Variants in MYH10 observed in about 807,000 individuals in gnomAD.
MYH10 encodes the protein myosin heavy chain 10, also known as myosin-10.
A neutral mutation model predicts 257.8 loss-of-function variants in MYH10; 55 were observed. The observed-to-expected ratio is 0.21, with a 90% CI of 0.17 to 0.27. MYH10 has a LOEUF of 0.27. MYH10 is among the 10% of genes least tolerant of loss of function. The probability of loss-of-function intolerance (pLI) is 1.00; values close to 1 mark genes in which losing one functional copy is unlikely to be tolerated. For missense variants in MYH10, 1,631 were observed against 2,500.6 expected, an observed-to-expected ratio of 0.65 and a Z score of 7.42; for synonymous variants, 854 against 921.7, an observed-to-expected ratio of 0.93 and a Z score of 1.33.
At chr17:8,520,826 A>G (rs568817814) in intron 19 of MYH10, 52 bp downstream of exon 19, 1 of 1,528,620 alleles carries the variant, frequency 6.5e-7, no homozygotes, top group Non-Finnish European at 8.8e-7. Context: ...GTTTTAATTC[A>G]TATCAAGATA....
intron 17 of MYH10, chr17:8,521,577 G>A (rs2081657491): frequency 5.4e-6 from 2 of 368,154 alleles, no homozygotes; most frequent in South Asian, 1.3e-4. Flanking sequence ...CATTCTGACT[G>A]TTACATTTAC....
chr17:8,595,846 AC>A (rs2084349002), intron 3 of MYH10, among the ~76,000 whole-genome samples: 1 of 152,152 alleles, frequency 6.6e-6, no homozygotes, highest in Non-Finnish European at 1.5e-5. Context: ...AAGATTCAAT[AC>A]AAAGATCCAA....
At chr17:8,482,768 C>T in intron 37 of MYH10, among the ~76,000 whole-genome samples, 1 of 152,196 alleles carries the variant, frequency 6.6e-6, no homozygotes, top group Non-Finnish European at 1.5e-5. Flanking sequence ...GAAACACTTT[C>T]AGAAAAAACA....
chr17:8,539,067 C>A (rs916802968), intron 14 of MYH10, among the ~76,000 whole-genome samples: 1 of 152,186 alleles, frequency 6.6e-6, no homozygotes, highest in Non-Finnish European at 1.5e-5. Context: ...GCCCCCCCAA[C>A]ATGTGATGCC....
At chr17:8,574,734 C>CAAA (rs1197986924) in intron 6 of MYH10, among the ~76,000 whole-genome samples, 23 of 152,162 alleles carry the variant, frequency 1.5e-4, no homozygotes, top group Admixed American at 4.6e-4. Context: ...AATCACAAAC[C>CAAA]AGTGGTATCA....
chr17:8,484,573 A>G (rs1914440368), intron 36 of MYH10, among the ~76,000 whole-genome samples: 2 of 152,228 alleles, frequency 1.3e-5, no homozygotes, highest in African/African-American at 2.4e-5. Context: ...ATACAAATGC[A>G]AAAATCTTCA....
chr17:8,601,949 T>A (rs1381795071), intron 3 of MYH10, among the ~76,000 whole-genome samples: 2 of 151,222 alleles, frequency 1.3e-5, no homozygotes, highest in East Asian at 3.9e-4. Flanking sequence ...GGAAGGATGA[T>A]AAATACATTT....
At chr17:8,580,626 T>C (rs981762782) in intron 4 of MYH10, among the ~76,000 whole-genome samples, 2 of 152,212 alleles carry the variant, frequency 1.3e-5, no homozygotes, top group African/African-American at 4.8e-5. Flanking sequence ...TAATAATTTT[T>C]GTTCCTATCA....
intron 14 of MYH10, 166 bp downstream of exon 14, chr17:8,541,941 T>A (rs1239586953): frequency 1.5e-6 from 1 of 655,078 alleles, no homozygotes; most frequent in African/African-American, 1.8e-5. Context: ...GCTACTGACT[T>A]TTAAATTCTG....
intron 24 of MYH10, chr17:8,511,031 T>TAC (rs2081259229): frequency 2.0e-4 from 1 of 5,114 alleles, no homozygotes; most frequent in African/African-American, 2.4e-4. Flanking sequence ...TATATATATA[T>TAC]ATATATATAT....
At chr17:8,508,465 A>G in intron 26 of MYH10, 89 bp downstream of exon 26, 1 of 1,546,418 alleles carries the variant, frequency 6.5e-7, no homozygotes, top group Non-Finnish European at 8.8e-7. Context: ...ATCATCATGT[A>G]TATTTTTTAT....
chr17:8,493,033 T>C lies in MYH10; in HGVS notation c.4210-9A>G. On this transcript the variant is annotated splice_polypyrimidine_tract_variant and intron_variant, in intron 32 of 42. Coordinates refer to ENST00000360416, the MANE Select transcript of MYH10 (RefSeq NM_001256012.3). ...TTCTTGGTATCAGCCAACTAGGTTT[T>C]GTGTACGGACAAACAGAAAGCTCAG... 2 of 1,612,118 alleles carry C rather than the reference T, an allele frequency of 1.2e-6. No homozygotes were observed. Among genetic ancestry groups the C allele is most frequent in the South Asian group, 1.1e-5 (1 of 90,876 alleles).
Position 8,481,267 on chromosome 17 carries a change from C to T in MYH10, c.5264+55G>A, listed in dbSNP as rs971043470. The T allele has an allele frequency of 3.2e-6, 5 of 1,551,336 alleles. No homozygotes were observed. The African/African-American group carries it at 4.1e-5, about 13-fold the overall frequency. ...GGTGTGTGGACACCTCCAGCCTTCT[C>T]AGCAGTGCGCGTGCCTGAGGGCGAA... is the stretch of plus-strand genomic sequence containing the variant. On this transcript the variant is annotated intron_variant, in intron 38 of 42. Coordinates refer to ENST00000360416, the MANE Select transcript of MYH10 (RefSeq NM_001256012.3).
intron 6 of MYH10, among the ~76,000 whole-genome samples, chr17:8,575,249 C>A (rs888031919): frequency 2.2e-5 from 3 of 136,998 alleles, no homozygotes; most frequent in Non-Finnish European, 4.9e-5. Context: ...AAAATGACAT[C>A]GAAACAAAAT....
chr17:8,509,470 G>A (rs1230397342), intron 25 of MYH10, among the ~76,000 whole-genome samples: 6 of 152,246 alleles, frequency 3.9e-5, no homozygotes, highest in African/African-American at 1.4e-4. Context: ...CACCCCGGGA[G>A]CTTGGCCCAG....
chr17:8,604,773 T>C, intron 3 of MYH10, 53 bp downstream of exon 3: 1 of 1,281,642 alleles, frequency 7.8e-7, no homozygotes. Flanking sequence ...TAAAAAACAG[T>C]AAATTACATT....
chr17:8,576,980 A>G (rs2083521997), intron 5 of MYH10, among the ~76,000 whole-genome samples: 1 of 152,164 alleles, frequency 6.6e-6, no homozygotes, highest in African/African-American at 2.4e-5. Flanking sequence ...TTCTCAGCAA[A>G]TCTTTGCAAG....
chr17:8,612,290 G>A (rs1245209788), intron 2 of MYH10, among the ~76,000 whole-genome samples: 3 of 152,172 alleles, frequency 2.0e-5, no homozygotes, highest in Non-Finnish European at 4.4e-5. Flanking sequence ...CTTCCTTTAA[G>A]TGATATGGTA....
Position 8,476,907 on chromosome 17 carries a change from G to T in MYH10, c.5848C>A (p.Arg1950Ser), listed in dbSNP as rs1757932090. 1 of 1,612,118 alleles carries T rather than the reference G, an allele frequency of 6.2e-7. No individual in the cohort carries two copies. The highest frequency in any genetic ancestry group is 8.5e-7 in the Non-Finnish European group (1 of 1,179,980). The change falls in exon 42 of 43, where the codon CGC becomes AGC. Residue 1950 changes from arginine to serine, a missense_variant. Arg to Ser is a moderately radical substitution (Grantham distance 110, BLOSUM62 -1). Coordinates refer to ENST00000360416, the MANE Select transcript of MYH10 (RefSeq NM_001256012.3). The stretch of plus-strand genomic sequence containing the variant: ...CGGTTCTTCAGGGTGCTGACCTCGC[G>T]GCTCAGGCCCTCGTTGGCCTCGGTG... ...DATEANEGLS[R>S]EVSTLKNRLR...
Sources: allele counts gnomAD v4.1 joint callset (sites outside exome capture counted in the v4.1 genomes callset), GRCh38; gene constraint gnomAD v4.1.1; transcripts MANE v1.5; gene names NCBI Gene and HGNC (gene_info 2026-07-23, HGNC 2026-07-21).